UBE2E1: variants seen among roughly 807,000 people sequenced by gnomAD.
UBE2E1 encodes ubiquitin conjugating enzyme E2 E1.
In UBE2E1, 6 loss-of-function variants were observed where a neutral mutation model predicts 21.4. That is an observed-to-expected ratio of 0.28 (90% CI 0.15 to 0.55). The LOEUF (loss-of-function observed/expected upper bound fraction) is 0.55, where lower values mean the gene tolerates loss of function less well. Among genes scored for constraint, UBE2E1 ranks in the 20% least tolerant of loss-of-function variants. The pLI is 0.93. For synonymous variants in UBE2E1, 87 were observed against 82.7 expected (o/e 1.05, Z -0.28); for missense variants, 142 against 236.5 (o/e 0.60, Z 2.62).
At chr3:23,818,202 G>A (rs190988033) in intron 3 of UBE2E1, among the ~76,000 whole-genome samples, 22 of 152,274 alleles carry the variant, frequency 1.4e-4, no homozygotes, top group Admixed American at 1.3e-3. Flanking sequence ...AAGGCAGGAG[G>A]ATGAACTGGC....
At chr3:23,856,353 T>G (rs1162748616) in intron 3 of UBE2E1, among the ~76,000 whole-genome samples, 2 of 152,194 alleles carry the variant, frequency 1.3e-5, no homozygotes, top group East Asian at 3.8e-4. Context: ...AAGTGTACTT[T>G]TAAAGCTTTA....
chr3:23,868,274 C>T (rs973720368), intron 3 of UBE2E1, among the ~76,000 whole-genome samples: 1 of 151,980 alleles, frequency 6.6e-6, no homozygotes, highest in African/African-American at 2.4e-5. Flanking sequence ...CGCTGCTTAC[C>T]CTAGGGTGAC....
At chr3:23,844,824 G>A (rs1171951034) in intron 3 of UBE2E1, among the ~76,000 whole-genome samples, 1 of 152,094 alleles carries the variant, frequency 6.6e-6, no homozygotes, top group East Asian at 1.9e-4. Flanking sequence ...ATATGAAGAC[G>A]TGCTCCAATA....
rs557232140 is a variant in UBE2E1 at position 23,876,032 on chromosome 3, A to C, written c.204-11535A>C. Among the ~76,000 whole-genome samples the C allele has an allele frequency of 6.6e-6, 1 of 152,198 alleles. No homozygotes were observed. Among genetic ancestry groups the C allele is most frequent in the Non-Finnish European group, 1.5e-5 (1 of 68,024 alleles). ...GTGATCTGCCCGCTTTGGCCTCACA[A>C]AGTGCTGGGATTACAGGCGTGAGCC... is the stretch of plus-strand genomic sequence containing the variant. On this transcript the variant is annotated intron_variant, in intron 3 of 5. Coordinates refer to ENST00000306627, the MANE Select transcript of UBE2E1 (RefSeq NM_003341.5). The surrounding 1 kb of genome is among the most constrained non-coding windows in gnomAD (Gnocchi z 4.3).
intron 3 of UBE2E1, among the ~76,000 whole-genome samples, chr3:23,833,439 TG>T (rs1282038323): frequency 6.6e-6 from 1 of 152,192 alleles, no homozygotes; most frequent in Non-Finnish European, 1.5e-5. Flanking sequence ...TTAGATAAAT[TG>T]TTTTTCCCTA....
intron 3 of UBE2E1, among the ~76,000 whole-genome samples, chr3:23,827,005 A>G (rs1480264205): frequency 2.0e-5 from 3 of 152,188 alleles, no homozygotes; most frequent in Admixed American, 6.6e-5. Flanking sequence ...CTAAAGGACC[A>G]GTTTCTCATG....
At chr3:23,818,530 G>T (rs72625896) in intron 3 of UBE2E1, among the ~76,000 whole-genome samples, 2 of 152,050 alleles carry the variant, frequency 1.3e-5, no homozygotes, top group Non-Finnish European at 2.9e-5. Context: ...TACAGCAAGC[G>T]CCCACCCTTC....
At chr3:23,840,995 T>C (rs932677040) in intron 3 of UBE2E1, among the ~76,000 whole-genome samples, 14 of 152,250 alleles carry the variant, frequency 9.2e-5, no homozygotes, top group Admixed American at 3.3e-4. Context: ...GTATCTGATA[T>C]ACCATCTTGG....
At chr3:23,830,310 C>G (rs1322524151) in intron 3 of UBE2E1, among the ~76,000 whole-genome samples, 2 of 152,146 alleles carry the variant, frequency 1.3e-5, no homozygotes, top group Non-Finnish European at 2.9e-5. Flanking sequence ...TTAGGGTTCA[C>G]AAAGGTCAGC....
chr3:23,850,345 C>T (rs910549460), intron 3 of UBE2E1, among the ~76,000 whole-genome samples: 1 of 151,994 alleles, frequency 6.6e-6, no homozygotes, highest in Non-Finnish European at 1.5e-5. Flanking sequence ...TTATTAGATA[C>T]ATGATTTACA....
rs1370419146 is a variant in UBE2E1, at chr3:23,887,087, C to A, written c.204-480C>A. On this transcript the variant is annotated intron_variant, in intron 3 of 5. Transcript: ENST00000306627. This position sits in a 1 kb window ranked among gnomAD's most constrained non-coding sequence, Gnocchi z 4.4. The stretch of plus-strand genomic sequence containing the variant: ...TGGACATACTTTTTACATTATAAAC[C>A]ATCTATTAGATTCTTTTAAAGGTGA... 6.6e-6 allele frequency among the ~76,000 whole-genome samples: 1 copy of A among 152,170 alleles called. No individual in the cohort carries two copies. The highest frequency in any genetic ancestry group is 2.4e-5 in the African/African-American group (1 of 41,428).
chr3:23,854,061 C>T (rs1345100599), intron 3 of UBE2E1, among the ~76,000 whole-genome samples: 1 of 151,950 alleles, frequency 6.6e-6, no homozygotes, highest in East Asian at 1.9e-4. Context: ...AGTTTGAGAC[C>T]AGTCTGGCCA....
chr3:23,823,162 A>G lies in UBE2E1; in HGVS notation c.203+11652A>G, dbSNP rs1456454072. Reference sequence around the variant, plus strand: ...GCCCATCCTGTTTTTCATCCTTTTAATATGGGCTGTTATGTTAATGCTTTA... The same window carrying G: ...GCCCATCCTGTTTTTCATCCTTTTAGTATGGGCTGTTATGTTAATGCTTTA... On this transcript the variant is annotated intron_variant, in intron 3 of 5. Transcript: ENST00000306627. This position sits in a 1 kb window ranked among gnomAD's most constrained non-coding sequence, Gnocchi z 4.2. Among the ~76,000 whole-genome samples the G allele has an allele frequency of 1.3e-5, 2 of 152,146 alleles. No homozygotes were observed. The highest frequency in any genetic ancestry group is 6.5e-5 in the Admixed American group (1 of 15,284).
chr3:23,824,035 C>T (rs1699700741), intron 3 of UBE2E1, among the ~76,000 whole-genome samples: 1 of 152,200 alleles, frequency 6.6e-6, no homozygotes, highest in African/African-American at 2.4e-5. Context: ...ATTGAGGACA[C>T]AGTTCTTGTT....
At chr3:23,884,950 C>T (rs866595763) in intron 3 of UBE2E1, among the ~76,000 whole-genome samples, 1 of 152,194 alleles carries the variant, frequency 6.6e-6, no homozygotes, top group African/African-American at 2.4e-5. Flanking sequence ...TTTTCATTAA[C>T]TGCACTCCAG....
intron 3 of UBE2E1, among the ~76,000 whole-genome samples, chr3:23,812,178 T>C (rs1699409311): frequency 6.6e-6 from 1 of 152,172 alleles, no homozygotes; most frequent in South Asian, 2.1e-4. Flanking sequence ...TTGCTACTGT[T>C]GAGTCAAGGT....
At chr3:23,878,437 C>T (rs1337058457) in intron 3 of UBE2E1, among the ~76,000 whole-genome samples, 1 of 152,224 alleles carries the variant, frequency 6.6e-6, no homozygotes, top group Non-Finnish European at 1.5e-5. Context: ...TTCCTTTAGT[C>T]CAGGGTTCCC....
At chr3:23,819,366 C>T (rs1204596436) in intron 3 of UBE2E1, among the ~76,000 whole-genome samples, 3 of 152,170 alleles carry the variant, frequency 2.0e-5, no homozygotes. Context: ...AAACTGATGG[C>T]CCTAGAGAAC....
chr3:23,831,035 C>T (rs1699855680), intron 3 of UBE2E1, among the ~76,000 whole-genome samples: 1 of 152,106 alleles, frequency 6.6e-6, no homozygotes, highest in Non-Finnish European at 1.5e-5. Context: ...GCTTCAGGGC[C>T]GATACTCAAC....
Sources: gnomAD v4.1 joint callset for allele counts (sites outside exome capture counted in the v4.1 genomes callset) on GRCh38, gnomAD v4.1.1 for gene constraint, Gnocchi (gnomAD v3.1) non-coding constraint, MANE v1.5 for transcripts, NCBI Gene and HGNC (gene_info 2026-07-23, HGNC 2026-07-21) for gene names.